The following GALNT16 variants were observed in gnomAD, a reference collection of about 807,000 sequenced individuals.
GALNT16 encodes polypeptide N-acetylgalactosaminyltransferase 16.
Under a neutral mutation model 76.1 loss-of-function variants are expected in GALNT16, and 40 were observed. That is an observed-to-expected ratio of 0.53 (90% CI 0.41 to 0.68). The LOEUF (loss-of-function observed/expected upper bound fraction) is 0.68, where lower values mean the gene tolerates loss of function less well. Ranked by LOEUF, GALNT16 falls within the 30% of genes least tolerant of loss-of-function variation. The probability of loss-of-function intolerance (pLI) is 0.00; values close to 1 mark genes in which losing one functional copy is unlikely to be tolerated. For synonymous variants in GALNT16, 276 were observed against 285.2 expected (o/e 0.97, Z 0.32); for missense variants, 621 against 731.9 (o/e 0.85, Z 1.75).
rs2045406019 is a variant in GALNT16, at chr14:69,335,577, T to G, written c.967+1977T>G. ...AGAAACAAGTGAATGATCAAACAGC[T>G]CATTTCAAACTCTGCCTGAGGCAAG... On this transcript the variant is annotated intron_variant, in intron 9 of 14. Coordinates refer to ENST00000448469, the MANE Select transcript of GALNT16 (RefSeq NM_001168368.2). Among the ~76,000 whole-genome samples the G allele has an allele frequency of 2.6e-5, 4 of 152,150 alleles. No homozygotes were observed. In the South Asian group the frequency reaches 8.3e-4, roughly 32 times the overall value.
the GALNT16 span, among the ~76,000 whole-genome samples, chr14:69,386,302 C>T: frequency 3.1e-3 from 478 of 152,302 alleles, 4 homozygotes; most frequent in African/African-American, 0.011. Flanking sequence ...ACTTCTAGCA[C>T]AGCACCTGAC....
chr14:69,259,819 C>A (rs948000052), upstream of GALNT16: 5 of 162,318 alleles, frequency 3.1e-5, no homozygotes, highest in Admixed American at 6.5e-5. Context: ...TCGGCAGGAC[C>A]GACCAGGGCC....
intron 2 of GALNT16, among the ~76,000 whole-genome samples, chr14:69,323,896 A>G (rs1185098022): frequency 6.6e-6 from 1 of 152,200 alleles, no homozygotes; most frequent in African/African-American, 2.4e-5. Context: ...GAAGATTGCT[A>G]TGAAAACCAG....
At chr14:69,362,750 C>T in the GALNT16 span, among the ~76,000 whole-genome samples, 1 of 152,234 alleles carries the variant, frequency 6.6e-6, no homozygotes, top group Non-Finnish European at 1.5e-5. Flanking sequence ...TTATGCGACC[C>T]TGGGCAGGCC....
intron 1 of GALNT16, among the ~76,000 whole-genome samples, chr14:69,301,321 T>C (rs998997608): frequency 6.6e-6 from 1 of 152,224 alleles, no homozygotes; most frequent in African/African-American, 2.4e-5. Context: ...TTAAGAACCA[T>C]TGCCTCAGGG....
chr14:69,313,888 C>T (rs2045063509), intron 1 of GALNT16, among the ~76,000 whole-genome samples: 1 of 152,230 alleles, frequency 6.6e-6, no homozygotes, highest in African/African-American at 2.4e-5. Context: ...GGTTAGCCTT[C>T]CTGGGAACGG....
At chr14:69,282,400 A>G (rs1337104799) in intron 1 of GALNT16, among the ~76,000 whole-genome samples, 2 of 152,116 alleles carry the variant, frequency 1.3e-5, no homozygotes, top group Non-Finnish European at 2.9e-5. Flanking sequence ...TGCACAGGCC[A>G]TCCTCTCTGC....
chr14:69,275,011 A>G (rs2044453539), intron 1 of GALNT16, among the ~76,000 whole-genome samples: 1 of 152,206 alleles, frequency 6.6e-6, no homozygotes, highest in Non-Finnish European at 1.5e-5. Flanking sequence ...AGGGGAAAAC[A>G]GATTCTGTGA....
the GALNT16 span, chr14:69,380,390 A>G: frequency 2.1e-6 from 1 of 467,980 alleles, no homozygotes; most frequent in Admixed American, 3.3e-5. Context: ...ATTGAACAAG[A>G]TCCTCACATT....
At chr14:69,348,169 GC>G (rs892044920) in intron 14 of GALNT16, 167 bp downstream of exon 14, 5 of 640,024 alleles carry the variant, frequency 7.8e-6, no homozygotes, top group Non-Finnish European at 1.4e-5. Flanking sequence ...CAATTATTCT[GC>G]CCATGAGGAA....
chr14:69,313,911 T>C (rs761576328), intron 1 of GALNT16, among the ~76,000 whole-genome samples: 71 of 152,186 alleles, frequency 4.7e-4, no homozygotes, highest in Non-Finnish European at 1.0e-4. Context: ...TCAGAGGAGA[T>C]AGCCTTTAAG....
At chr14:69,326,672 T>A (rs959950588) in intron 5 of GALNT16, among the ~76,000 whole-genome samples, 1 of 152,148 alleles carries the variant, frequency 6.6e-6, no homozygotes, top group Non-Finnish European at 1.5e-5. Flanking sequence ...GCTTGTGCAC[T>A]CTGCAAGCAA....
chr14:69,266,056 T>C (rs1442676395), intron 1 of GALNT16, among the ~76,000 whole-genome samples: 1 of 152,196 alleles, frequency 6.6e-6, no homozygotes, highest in Non-Finnish European at 1.5e-5. Context: ...CTCTGACAAC[T>C]AGTAAGTGCA....
downstream of GALNT16, among the ~76,000 whole-genome samples, chr14:69,361,051 T>A (rs1041073102): frequency 2.0e-5 from 3 of 152,222 alleles, no homozygotes; most frequent in Non-Finnish European, 4.4e-5. Flanking sequence ...CCAGCCTCGC[T>A]TTGCATGATT....
At chr14:69,343,800 C>A (rs530840441) in intron 12 of GALNT16, among the ~76,000 whole-genome samples, 4 of 152,272 alleles carry the variant, frequency 2.6e-5, no homozygotes, top group Admixed American at 6.5e-5. Flanking sequence ...TCTGATGACA[C>A]CCCCAAGGAC....
the GALNT16 span, among the ~76,000 whole-genome samples, chr14:69,379,671 C>A: frequency 2.6e-5 from 4 of 152,110 alleles, no homozygotes. Context: ...CTCAAAAAAA[C>A]AACAACAAAA....
the GALNT16 span, among the ~76,000 whole-genome samples, chr14:69,369,649 C>T: frequency 1.2e-4 from 19 of 152,164 alleles, no homozygotes; most frequent in African/African-American, 4.3e-4. Flanking sequence ...TACAGAGTGA[C>T]GCAACCACGT....
At chr14:69,297,631 CAA>C (rs11433868) in intron 1 of GALNT16, among the ~76,000 whole-genome samples, 2,982 of 144,458 alleles carry the variant, frequency 0.021, 94 homozygotes, top group African/African-American at 0.07. Context: ...TTGGAAAAGC[CAA>C]AAAAAAAAAC....
At position 69,260,344 on chromosome 14, in the gene GALNT16, G is replaced by C; in HGVS notation, c.54G>C (p.Leu18=). The change falls in exon 1 of 15, where the codon CTG becomes CTC. Residue 18 remains leucine, a synonymous_variant. Coordinates refer to ENST00000448469, the MANE Select transcript of GALNT16 (RefSeq NM_001168368.2). ...CCATCCTGACCGTAGCCTGGATCCT[G>C]GGCACTTTCTACTACTTATGGCAGG... ...AIAILTVAWI[L]GTFYYLWQDN... The C allele has an allele frequency of 6.2e-7, 1 of 1,612,902 alleles. No homozygotes were observed. Among genetic ancestry groups the C allele is most frequent in the Non-Finnish European group, 8.5e-7 (1 of 1,179,494 alleles).
Sources: allele counts gnomAD v4.1 joint callset (sites outside exome capture counted in the v4.1 genomes callset), GRCh38; gene constraint gnomAD v4.1.1; transcripts MANE v1.5; gene names NCBI Gene and HGNC (gene_info 2026-07-23, HGNC 2026-07-21).